The following ADAMTS17 variants were observed in gnomAD, a reference collection of about 807,000 sequenced individuals.
The protein encoded by ADAMTS17 is A disintegrin and metalloproteinase with thrombospondin motifs 17.
ADAMTS17 carries 113 observed loss-of-function variants against 141.5 expected under a neutral mutation model. The ratio of observed to expected loss-of-function variants is 0.80; its 90% confidence interval spans 0.69 to 0.93. The LOEUF (loss-of-function observed/expected upper bound fraction) is 0.93. ADAMTS17 is among the 40% of genes least tolerant of loss of function. ADAMTS17 has a pLI of 0.00. For synonymous variants in ADAMTS17, 768 were observed against 630.6 expected (o/e 1.22, Z -3.27); for missense variants, 1,659 against 1,517.9 (o/e 1.09, Z -1.54).
At chr15:100,047,828 G>T (rs2031828597) in intron 18 of ADAMTS17, among the ~76,000 whole-genome samples, 1 of 152,170 alleles carries the variant, frequency 6.6e-6, no homozygotes, top group Admixed American at 6.5e-5. Flanking sequence ...TGATCGATAG[G>T]TTCGTGGTAC....
At chr15:100,302,821 C>A (rs1002659174) in intron 3 of ADAMTS17, among the ~76,000 whole-genome samples, 1 of 152,182 alleles carries the variant, frequency 6.6e-6, no homozygotes, top group South Asian at 2.1e-4. Flanking sequence ...CAGTGGGCTG[C>A]GAAAGGCAGG....
At chr15:100,231,210 A>C (rs2042470681) in intron 7 of ADAMTS17, among the ~76,000 whole-genome samples, 1 of 152,216 alleles carries the variant, frequency 6.6e-6, no homozygotes, top group Non-Finnish European at 1.5e-5. Flanking sequence ...ACGTTGCTTC[A>C]AATTCTGAAC....
chr15:100,206,483 C>T (rs760008737), intron 7 of ADAMTS17, among the ~76,000 whole-genome samples: 5 of 152,284 alleles, frequency 3.3e-5, no homozygotes, highest in Middle Eastern at 6.8e-3. Context: ...CACTGCTTGG[C>T]GCCTATTTCG....
At chr15:100,231,719 T>C (rs986588899) in intron 7 of ADAMTS17, among the ~76,000 whole-genome samples, 6 of 152,024 alleles carry the variant, frequency 3.9e-5, no homozygotes, top group African/African-American at 1.5e-4. Context: ...CAGGTGCCGG[T>C]TTTTCTTGAA....
chr15:100,254,360 G>A (rs112765727), intron 6 of ADAMTS17, among the ~76,000 whole-genome samples, 181 bp from the exon 7 acceptor site: 55 of 152,314 alleles, frequency 3.6e-4, no homozygotes, highest in African/African-American at 1.2e-3. Context: ...ATTTCCCGGG[G>A]TAGGTCCACT....
intron 7 of ADAMTS17, among the ~76,000 whole-genome samples, chr15:100,215,995 C>A (rs913581137): frequency 1.3e-5 from 2 of 152,178 alleles, no homozygotes; most frequent in African/African-American, 2.4e-5. Flanking sequence ...GAATGTAAGC[C>A]ACAGGGAGAT....
chr15:100,051,438 C>T (rs1056731590), intron 17 of ADAMTS17, 134 bp downstream of exon 17: 36 of 1,290,054 alleles, frequency 2.8e-5, no homozygotes, highest in Admixed American at 1.5e-4. Context: ...GAGAGATTTT[C>T]GGTGGGATAT....
intron 7 of ADAMTS17, among the ~76,000 whole-genome samples, chr15:100,250,331 C>T (rs1037919735): frequency 2.1e-4 from 32 of 152,198 alleles, no homozygotes; most frequent in African/African-American, 7.0e-4. Context: ...TCCTTTCCTA[C>T]AGAACTCAAG....
chr15:100,153,232 C>T (rs780029409), intron 9 of ADAMTS17, among the ~76,000 whole-genome samples: 9 of 152,172 alleles, frequency 5.9e-5, no homozygotes, highest in East Asian at 1.9e-4. Flanking sequence ...TGTGGGACCT[C>T]GGTGTCTCAC....
chr15:100,068,416 G>A (rs1302411141), intron 15 of ADAMTS17, among the ~76,000 whole-genome samples: 2 of 152,198 alleles, frequency 1.3e-5, no homozygotes, highest in African/African-American at 2.4e-5. Context: ...GGTTCTCCCA[G>A]CACACAGCTG....
At chr15:100,047,165 A>G (rs1176503574) in intron 18 of ADAMTS17, among the ~76,000 whole-genome samples, 2 of 151,470 alleles carry the variant, frequency 1.3e-5, no homozygotes, top group East Asian at 3.9e-4. Flanking sequence ...GCTTATTAGG[A>G]TGAGGAAATT....
chr15:100,324,372 TCTGAATA>T (rs1374172558), intron 3 of ADAMTS17, among the ~76,000 whole-genome samples: 2 of 152,176 alleles, frequency 1.3e-5, no homozygotes, highest in African/African-American at 4.8e-5. Flanking sequence ...ATAGGGTAGG[TCTGAATA>T]CTGGATACGC....
At chr15:100,264,418 T>G (rs1001179108) in intron 4 of ADAMTS17, among the ~76,000 whole-genome samples, 1 of 152,192 alleles carries the variant, frequency 6.6e-6, no homozygotes, top group Non-Finnish European at 1.5e-5. Flanking sequence ...CTTGAAGTTA[T>G]GAGGGAGAAA....
intron 6 of ADAMTS17, among the ~76,000 whole-genome samples, chr15:100,260,570 C>T (rs890066349): frequency 5.3e-5 from 8 of 150,994 alleles, no homozygotes; most frequent in East Asian, 2.0e-4. Flanking sequence ...GCCAGGATTG[C>T]GTCATACTGC....
At chr15:100,148,737 T>C (rs1042673361) in intron 10 of ADAMTS17, among the ~76,000 whole-genome samples, 1 of 151,622 alleles carries the variant, frequency 6.6e-6, no homozygotes, top group Non-Finnish European at 1.5e-5. Flanking sequence ...AATTAGGAGA[T>C]GTGGATGCTG....
intron 15 of ADAMTS17, among the ~76,000 whole-genome samples, chr15:100,076,369 CT>C (rs1374491627): frequency 1.3e-5 from 2 of 152,126 alleles, no homozygotes; most frequent in Non-Finnish European, 2.9e-5. Flanking sequence ...ATCAAGGCTA[CT>C]GTTGATCAAT....
rs369169843 is a variant in ADAMTS17, at chr15:100,135,165, AC to A, written c.1474-1851del. On this transcript the variant is annotated intron_variant, in intron 10 of 21. Coordinates refer to ENST00000268070, the MANE Select transcript of ADAMTS17 (RefSeq NM_139057.4). The stretch of plus-strand genomic sequence containing the variant: ...TTTATAGACAGGGCTTTCTCATGAA[AC>A]TTTTCTAACCATCAAAGAAAAGAAG... Among the ~76,000 whole-genome samples the A allele has an allele frequency of 9.9e-3, 1,504 of 152,346 alleles. 12 individuals carry two copies. Among genetic ancestry groups the A allele is most frequent in the Non-Finnish European group, 0.015 (1,038 of 68,036 alleles).
At chr15:100,296,822 G>C (rs1242727337) in intron 3 of ADAMTS17, among the ~76,000 whole-genome samples, 1 of 152,176 alleles carries the variant, frequency 6.6e-6, no homozygotes, top group African/African-American at 2.4e-5. Flanking sequence ...ACCAAGCAGG[G>C]CACCTCTGCC....
intron 20 of ADAMTS17, among the ~76,000 whole-genome samples, chr15:99,982,793 C>G (rs148453442): frequency 6.6e-6 from 1 of 152,134 alleles, no homozygotes. Flanking sequence ...AGCTCCTTGC[C>G]GGGAAACCTG....
Sources: gnomAD v4.1 joint callset for allele counts (sites outside exome capture counted in the v4.1 genomes callset) on GRCh38, gnomAD v4.1.1 for gene constraint, MANE v1.5 for transcripts, NCBI Gene and HGNC (gene_info 2026-07-23, HGNC 2026-07-21) for gene names.